The following AKR1A1 variants were observed in gnomAD, a reference collection of about 807,000 sequenced individuals.
The protein encoded by AKR1A1 is HEL-S-165mP.
AKR1A1 carries 26 observed loss-of-function variants against 39.2 expected under a neutral mutation model. The observed-to-expected ratio is 0.66, with a 90% CI of 0.49 to 0.92. AKR1A1 has a LOEUF of 0.92. Among genes scored for constraint, AKR1A1 ranks in the 40% least tolerant of loss-of-function variants. The pLI is 0.00. For missense variants in AKR1A1, 378 were observed against 406.5 expected, an observed-to-expected ratio of 0.93 and a Z score of 0.60; for synonymous variants, 141 against 155.5, an observed-to-expected ratio of 0.91 and a Z score of 0.69.
rs1644282111 is a variant in AKR1A1 at position 45,561,860 on chromosome 1, G to A, written c.66G>A (p.Trp22Ter). Reference protein sequence around the residue: ...QKMPLIGLGTWKSEPGQVKAA... With the variant: ...QKMPLIGLGT ...TGCCTCTGATTGGTCTGGGTACCTG[G>A]AAGAGTGAGCCTGGTCAGGTGAGGG... The change falls in exon 2 of 9, where the codon TGG (tryptophan) becomes TGA (stop). Residue 22 changes from tryptophan (W) to a stop codon, truncating the protein, a stop_gained. Transcript: ENST00000351829. LOFTEE classifies it high-confidence loss of function. 1 of 1,614,002 alleles carries A rather than the reference G, an allele frequency of 6.2e-7. No individual in the cohort carries two copies. Among genetic ancestry groups the A allele is most frequent in the Non-Finnish European group, 8.5e-7 (1 of 1,180,012 alleles).
At position 45,566,972 on chromosome 1, in the gene AKR1A1, A is replaced by T. The variant is rs1027184158; in HGVS notation, c.308A>T (p.Gln103Leu). ...CTCCGGAAGACTCTGGCTGACCTCC[A>T]GCTGGAGTATCTGGACCTGTACCTG... ...PALRKTLADL[Q>L]LEYLDLYLMH... The change falls in exon 4 of 9, where the codon CAG (glutamine) becomes CTG (leucine). Residue 103 changes from glutamine to leucine, a missense_variant. By Grantham distance (113) the Gln-to-Leu change is moderately radical (BLOSUM62 -2). Transcript: ENST00000351829. 6.2e-7 allele frequency: 1 copy of T among 1,614,130 alleles called. No homozygotes were observed. The highest frequency in any genetic ancestry group is 1.3e-5 in the African/African-American group (1 of 74,950).
chr1:45,551,978 A>G (rs371666182), intron 1 of AKR1A1, among the ~76,000 whole-genome samples: 17 of 131,432 alleles, frequency 1.3e-4, no homozygotes, highest in African/African-American at 4.6e-4. Flanking sequence ...TATTGTGTAC[A>G]TTGTATGTAT....
chr1:45,558,918 A>G (rs1169236182), intron 1 of AKR1A1, among the ~76,000 whole-genome samples: 1 of 152,342 alleles, frequency 6.6e-6, no homozygotes, highest in East Asian at 1.9e-4. Context: ...TGGCAATTAA[A>G]TCAATCCCAA....
chr1:45,561,704 C>A, intron 1 of AKR1A1, 85 bp from the exon 2 acceptor site: 1 of 1,382,940 alleles, frequency 7.2e-7, no homozygotes, highest in Non-Finnish European at 1.0e-6. Context: ...GCACTTGGCG[C>A]TTTGCAGTAT....
At position 45,566,702 on chromosome 1, in the gene AKR1A1, T is replaced by C. The variant is rs758088997; in HGVS notation, c.204+14T>C. 1.2e-5 allele frequency: 20 copies of C among 1,612,946 alleles called. No individual in the cohort carries two copies. Among genetic ancestry groups the C allele is most frequent in the Non-Finnish European group, 1.7e-5 (20 of 1,179,564 alleles). On this transcript the variant is annotated intron_variant, in intron 3 of 8. Transcript: ENST00000351829. ...GGACCAGGCAAGGTAAGGACTGGGGTTGTAAATAGAGGTGGGATAAGAGAA... is the reference window on the plus strand; with the variant it reads ...GGACCAGGCAAGGTAAGGACTGGGGCTGTAAATAGAGGTGGGATAAGAGAA...
intron 2 of AKR1A1, among the ~76,000 whole-genome samples, chr1:45,562,410 T>G (rs191270943): frequency 1.0e-3 from 151 of 151,428 alleles, no homozygotes; most frequent in African/African-American, 3.6e-3. Flanking sequence ...GGCACAATCT[T>G]GGCTCACGGC....
chr1:45,568,163 C>G lies in AKR1A1; in HGVS notation c.538C>G (p.Pro180Ala), dbSNP rs1644370734. ...CATACTCAGTGTGGCCTCCGTGCGT[C>G]CAGCTGTCTTGCAGGTAAGGACAGC... ...DDILSVASVR[P>A]AVLQVECHPY... The change falls in exon 5 of 9, where the codon CCA (proline) becomes GCA (alanine). Residue 180 changes from proline (P) to alanine (A), a missense_variant. Physicochemically the swap from Pro to Ala is conservative, Grantham distance 27 (BLOSUM62 -1). Coordinates refer to ENST00000351829, the MANE Select transcript of AKR1A1 (RefSeq NM_153326.3). The G allele has an allele frequency of 6.2e-7, 1 of 1,612,938 alleles. No homozygotes were observed. The highest frequency in any genetic ancestry group is 1.1e-5 in the South Asian group (1 of 90,890).
chr1:45,566,635 G>A lies in AKR1A1; in HGVS notation c.151G>A (p.Gly51Ser), dbSNP rs61751012. The A allele has an allele frequency of 8.8e-3, 14,265 of 1,614,224 alleles. 93 individuals carry two copies. Among genetic ancestry groups the A allele is most frequent in the Non-Finnish European group, 0.01 (12,278 of 1,180,050 alleles). The change falls in exon 3 of 9, where the codon GGC becomes AGC. Residue 51 changes from glycine to serine, a missense_variant. By Grantham distance (56) the Gly-to-Ser change is moderately conservative. Coordinates refer to ENST00000351829, the MANE Select transcript of AKR1A1 (RefSeq NM_153326.3). ...YRHIDCAAIY[G>S]NEPEIGEALK... ...CCACATTGATTGTGCTGCTATCTAC[G>A]GCAATGAGCCTGAGATTGGGGAGGC...
intron 1 of AKR1A1, among the ~76,000 whole-genome samples, chr1:45,557,955 G>T (rs1644227816): frequency 7.8e-6 from 1 of 128,214 alleles, no homozygotes. Context: ...TGTATCCCAG[G>T]CTGGAGTGCA....
chr1:45,562,454 A>T (rs542002204), intron 2 of AKR1A1, among the ~76,000 whole-genome samples: 3 of 142,962 alleles, frequency 2.1e-5, no homozygotes, highest in South Asian at 2.2e-4. Flanking sequence ...TGACCCTCCC[A>T]CCTCAGCCTC....
chr1:45,553,407 C>T (rs1035914219), intron 1 of AKR1A1, among the ~76,000 whole-genome samples: 2 of 136,240 alleles, frequency 1.5e-5, no homozygotes, highest in Admixed American at 1.5e-4. Context: ...GGCGACAGAG[C>T]GAGACTCTGT....
chr1:45,555,933 G>C (rs913334248), intron 1 of AKR1A1, among the ~76,000 whole-genome samples: 2 of 152,080 alleles, frequency 1.3e-5, no homozygotes, highest in African/African-American at 2.4e-5. Flanking sequence ...TACAGAAGTG[G>C]GGTGAGAAGA....
intron 2 of AKR1A1, among the ~76,000 whole-genome samples, chr1:45,565,539 T>G (rs1311373337): frequency 2.0e-5 from 3 of 152,094 alleles, no homozygotes; most frequent in Admixed American, 6.6e-5. Flanking sequence ...AGTGGCATGA[T>G]CTCAGCTCAC....
At chr1:45,561,748 G>C (rs770474658) in intron 1 of AKR1A1, 41 bp from the exon 2 acceptor site, 1 of 1,592,648 alleles carries the variant, frequency 6.3e-7, no homozygotes, top group East Asian at 2.2e-5. Flanking sequence ...CTGAACAACA[G>C]CACTAACCCC....
chr1:45,552,763 G>A (rs1456989376), intron 1 of AKR1A1, among the ~76,000 whole-genome samples: 1 of 152,144 alleles, frequency 6.6e-6, no homozygotes, highest in Non-Finnish European at 1.5e-5. Flanking sequence ...GGAGTCACAT[G>A]GTTGGATCTG....
chr1:45,562,500 C>T (rs1229236987), intron 2 of AKR1A1, among the ~76,000 whole-genome samples: 2 of 139,974 alleles, frequency 1.4e-5, no homozygotes, highest in African/African-American at 2.7e-5. Flanking sequence ...CACTAACACA[C>T]GGGCCCAGCA....
chr1:45,557,197 A>C (rs367746180), intron 1 of AKR1A1, among the ~76,000 whole-genome samples: 3 of 152,132 alleles, frequency 2.0e-5, no homozygotes, highest in African/African-American at 7.2e-5. Flanking sequence ...TCTCAAAAAA[A>C]TAAAAATAAA....
intron 1 of AKR1A1, among the ~76,000 whole-genome samples, chr1:45,557,133 T>C (rs896931866): frequency 6.6e-6 from 1 of 152,012 alleles, no homozygotes; most frequent in Non-Finnish European, 1.5e-5. Context: ...GAGGTTGCAG[T>C]GAGCCAAGAT....
In AKR1A1 at chr1:45,552,224, C is replaced by T. The variant is rs141138322; in HGVS notation, c.-7+1069C>T. 2.2e-3 allele frequency among the ~76,000 whole-genome samples: 336 copies of T among 151,446 alleles called. 3 individuals carry two copies. The highest frequency in any genetic ancestry group is 7.9e-3 in the African/African-American group (325 of 41,314). The stretch of plus-strand genomic sequence containing the variant: ...GATGGGGGTCTCTCGGTCTTTTGCC[C>T]ATGCTGGAGTGTAGTGGTGGAATCC... On this transcript the variant is annotated intron_variant, in intron 1 of 8. Transcript: ENST00000351829.
Sources: allele counts gnomAD v4.1 joint callset (sites outside exome capture counted in the v4.1 genomes callset), GRCh38; gene constraint gnomAD v4.1.1; transcripts MANE v1.5; gene names NCBI Gene and HGNC (gene_info 2026-07-23, HGNC 2026-07-21).